Variants in CHCHD3 observed in about 807,000 individuals in gnomAD.
CHCHD3 encodes the protein coiled-coil-helix-coiled-coil-helix domain containing 3.
Under a neutral mutation model 38.2 loss-of-function variants are expected in CHCHD3, and 20 were observed. The ratio of observed to expected loss-of-function variants is 0.52; its 90% CI spans 0.37 to 0.76. CHCHD3 has a LOEUF of 0.76. Among genes scored for constraint, CHCHD3 ranks in the 30% least tolerant of loss-of-function variants. The probability of loss-of-function intolerance (pLI) is 0.00; values close to 1 mark genes in which losing one functional copy is unlikely to be tolerated. For missense variants in CHCHD3, 245 were observed against 279.2 expected (o/e 0.88, Z 0.87); for synonymous variants, 82 against 100.0 (o/e 0.82, Z 1.07).
At chr7:132,830,273 T>G in intron 6 of CHCHD3, among the ~76,000 whole-genome samples, 1 of 152,174 alleles carries the variant, frequency 6.6e-6, no homozygotes, top group Non-Finnish European at 1.5e-5. Context: ...ACTAATTTGT[T>G]GCTTGGTGGG....
chr7:133,055,375 A>T (rs1359349423), intron 2 of CHCHD3, among the ~76,000 whole-genome samples: 1 of 145,218 alleles, frequency 6.9e-6, no homozygotes, highest in East Asian at 1.9e-4. Flanking sequence ...ATTATAATTA[A>T]TTATAATTAT....
chr7:132,821,903 C>T (rs1411447422), intron 6 of CHCHD3, among the ~76,000 whole-genome samples: 1 of 151,916 alleles, frequency 6.6e-6, no homozygotes, highest in African/African-American at 2.4e-5. Flanking sequence ...GCTGGGACTA[C>T]AGGCGCCCGC....
rs11553633 is a variant in CHCHD3 at position 132,796,500 on chromosome 7, G to T, written c.602C>A (p.Thr201Asn). 4.3e-6 allele frequency: 7 copies of T among 1,613,802 alleles called. No individual in the cohort carries two copies. The highest frequency in any genetic ancestry group is 5.1e-6 in the Non-Finnish European group (6 of 1,179,872). Reference protein sequence around the residue: ...LQCYRENTHQTLKCSALATQY... With the variant: ...LQCYRENTHQNLKCSALATQY... Reference sequence around the variant, plus strand: ...GGTGGCCAGAGCGGAGCATTTGAGGGTCTGGTGGGTGTTCTCACGGTAACA... The same window carrying T: ...GGTGGCCAGAGCGGAGCATTTGAGGTTCTGGTGGGTGTTCTCACGGTAACA... The change falls in exon 7 of 8, where the codon ACC (threonine) becomes AAC (asparagine). Residue 201 changes from threonine to asparagine, a missense_variant. Transcript: ENST00000262570.
At chr7:132,860,238 G>A (rs936385843) in intron 5 of CHCHD3, among the ~76,000 whole-genome samples, 2 of 152,062 alleles carry the variant, frequency 1.3e-5, no homozygotes, top group Non-Finnish European at 2.9e-5. Context: ...CTGCACTCCA[G>A]TCTGGGTGAT....
intron 6 of CHCHD3, among the ~76,000 whole-genome samples, chr7:132,797,463 T>C (rs1471012432): frequency 1.3e-5 from 2 of 152,200 alleles, no homozygotes; most frequent in East Asian, 3.8e-4. Context: ...TTTCTTGCCA[T>C]GCATGTGACA....
chr7:133,016,708 G>A (rs10228511), intron 3 of CHCHD3, among the ~76,000 whole-genome samples: 1,578 of 152,316 alleles, frequency 0.01, 31 homozygotes, highest in African/African-American at 0.036. Context: ...ATGGAGGTCA[G>A]GAGGGGAAAC....
At chr7:132,946,823 T>C (rs1810914333) in intron 4 of CHCHD3, among the ~76,000 whole-genome samples, 1 of 151,916 alleles carries the variant, frequency 6.6e-6, no homozygotes, top group African/African-American at 2.4e-5. Flanking sequence ...TGTATTTAGA[T>C]AATGTTTTTA....
intron 5 of CHCHD3, among the ~76,000 whole-genome samples, chr7:132,840,830 T>C (rs549400392): frequency 6.6e-6 from 1 of 152,288 alleles, no homozygotes; most frequent in Non-Finnish European, 1.5e-5. Context: ...TCAGTTCCTC[T>C]CTGCTTTGCC....
chr7:132,808,500 A>G (rs1179117231), intron 6 of CHCHD3, among the ~76,000 whole-genome samples: 1 of 152,180 alleles, frequency 6.6e-6, no homozygotes, highest in Non-Finnish European at 1.5e-5. Context: ...AGGTTTCTTT[A>G]GTCTTCAGTT....
chr7:133,038,607 C>G (rs2117476043), intron 2 of CHCHD3, among the ~76,000 whole-genome samples: 1 of 152,218 alleles, frequency 6.6e-6, no homozygotes, highest in East Asian at 1.9e-4. Flanking sequence ...TATATGTTAC[C>G]AAGGACAGCT....
Position 133,035,512 on chromosome 7 carries a change from G to T in CHCHD3, c.170-10885C>A. The T allele has an allele frequency of 6.2e-7, 1 of 1,613,428 alleles. No individual in the cohort carries two copies. The highest frequency in any genetic ancestry group is 8.5e-7 in the Non-Finnish European group (1 of 1,179,470). ...TAAGCATCCAGCAGCCCCAGAATTC[G>T]CCTCACTTCCTCCTTTGCATTCTCA... On this transcript the variant is annotated intron_variant, in intron 2 of 7. Coordinates refer to ENST00000262570, the MANE Select transcript of CHCHD3 (RefSeq NM_017812.4). The surrounding 1 kb of genome is among the most constrained non-coding windows in gnomAD (Gnocchi z 4.7).
intron 4 of CHCHD3, among the ~76,000 whole-genome samples, chr7:132,900,868 G>T (rs961158749): frequency 6.6e-6 from 1 of 152,142 alleles, no homozygotes; most frequent in East Asian, 1.9e-4. Flanking sequence ...GTGGGCACCT[G>T]TGGTCCCAGC....
At chr7:132,942,877 G>A (rs1271571300) in intron 4 of CHCHD3, among the ~76,000 whole-genome samples, 1 of 152,156 alleles carries the variant, frequency 6.6e-6, no homozygotes, top group Non-Finnish European at 1.5e-5. Flanking sequence ...CATCCCATGT[G>A]CAGCCTACCA....
chr7:133,038,836 A>G (rs1325698099), intron 2 of CHCHD3, among the ~76,000 whole-genome samples: 1 of 152,248 alleles, frequency 6.6e-6, no homozygotes, highest in Non-Finnish European at 1.5e-5. Context: ...CACTCTATAA[A>G]TTGTCCACTT....
At chr7:132,802,945 T>C (rs1338573517) in intron 6 of CHCHD3, among the ~76,000 whole-genome samples, 2 of 152,156 alleles carry the variant, frequency 1.3e-5, no homozygotes, top group Admixed American at 1.3e-4. Context: ...TTTAGAGAGC[T>C]ATAAGCCATC....
At chr7:132,787,940 T>G (rs190169749) in intron 7 of CHCHD3, among the ~76,000 whole-genome samples, 1 of 152,298 alleles carries the variant, frequency 6.6e-6, no homozygotes, top group Non-Finnish European at 1.5e-5. Flanking sequence ...AGTGGAAGAT[T>G]GCTCAGCAGA....
intron 5 of CHCHD3, among the ~76,000 whole-genome samples, chr7:132,850,540 G>T (rs1808195154): frequency 6.7e-6 from 1 of 150,126 alleles, no homozygotes; most frequent in Admixed American, 6.7e-5. Flanking sequence ...GAAAACCTTA[G>T]TTACATTACC....
chr7:132,923,235 C>A (rs1030741216), intron 4 of CHCHD3, among the ~76,000 whole-genome samples: 1 of 151,978 alleles, frequency 6.6e-6, no homozygotes, highest in Non-Finnish European at 1.5e-5. Flanking sequence ...AATTTAGATT[C>A]AAAAAGGACA....
At chr7:132,880,922 C>A (rs2117166815) in intron 5 of CHCHD3, among the ~76,000 whole-genome samples, 1 of 152,250 alleles carries the variant, frequency 6.6e-6, no homozygotes, top group African/African-American at 2.4e-5. Context: ...CATGAAATCA[C>A]CAACCAGGAA....
Sources: allele counts gnomAD v4.1 joint callset (sites outside exome capture counted in the v4.1 genomes callset), GRCh38; gene constraint gnomAD v4.1.1; non-coding constraint Gnocchi (gnomAD v3.1); transcripts MANE v1.5; gene names NCBI Gene and HGNC (gene_info 2026-07-23, HGNC 2026-07-21).